DNM3: variants seen among roughly 807,000 people sequenced by gnomAD.
DNM3 encodes the protein dynamin-3.
DNM3 carries 47 observed loss-of-function variants against 101.6 expected under a neutral mutation model. The observed-to-expected ratio is 0.46, with a 90% CI of 0.37 to 0.59. The LOEUF (loss-of-function observed/expected upper bound fraction) is 0.59, where lower values mean the gene tolerates loss of function less well. Ranked by LOEUF, DNM3 falls within the 20% of genes least tolerant of loss-of-function variation. DNM3 has a pLI of 0.00. For synonymous variants in DNM3, 385 were observed against 387.9 expected (o/e 0.99, Z 0.09); for missense variants, 849 against 1,085.7 (o/e 0.78, Z 3.06).
In DNM3 at chr1:172,365,009, G is replaced by T. The variant is rs138533125; in HGVS notation, c.1894-14009G>T. Among the ~76,000 whole-genome samples the T allele has an allele frequency of 1.4e-4, 22 of 151,934 alleles. 1 individual carries two copies. The highest frequency in any genetic ancestry group is 1.4e-3 in the Admixed American group (22 of 15,224). On this transcript the variant is annotated intron_variant, in intron 17 of 20. Coordinates refer to ENST00000627582, the MANE Select transcript of DNM3 (RefSeq NM_015569.5). ...ACCTCTTTTCTTTATAAATTACTGA[G>T]TCTCAGGTATTTCTTTATAACAACA...
intron 1 of DNM3, among the ~76,000 whole-genome samples, chr1:171,852,872 C>A (rs942517070): frequency 6.6e-6 from 1 of 151,630 alleles, no homozygotes; most frequent in Non-Finnish European, 1.5e-5. Flanking sequence ...AACAAAAGGA[C>A]TTTGAAGGTT....
intron 12 of DNM3, among the ~76,000 whole-genome samples, chr1:172,088,561 T>C (rs2053691295): frequency 6.6e-6 from 1 of 152,146 alleles, no homozygotes; most frequent in Non-Finnish European, 1.5e-5. Context: ...TTAAGATCAC[T>C]TACAAACCCC....
intron 1 of DNM3, among the ~76,000 whole-genome samples, chr1:171,857,072 G>C (rs151333912): frequency 1.1e-4 from 16 of 152,294 alleles, no homozygotes; most frequent in African/African-American, 3.6e-4. Flanking sequence ...AGATAGAGCT[G>C]GCAGAGTGAA....
chr1:172,306,763 A>G lies in DNM3; in HGVS notation c.1770-1965A>G, dbSNP rs143568412. Among the ~76,000 whole-genome samples, 745 of 152,360 alleles carry G rather than the reference A, an allele frequency of 4.9e-3. 5 individuals are homozygous for G. The highest frequency in any genetic ancestry group is 0.016 in the African/African-American group (678 of 41,584). ...CATCTCTTTGACAAACCTGACCAAAACAAGCAATGAGGAAAGGATTCCCTA... is the reference window on the plus strand; with the variant it reads ...CATCTCTTTGACAAACCTGACCAAAGCAAGCAATGAGGAAAGGATTCCCTA... On this transcript the variant is annotated intron_variant, in intron 15 of 20. Transcript: ENST00000627582.
chr1:172,380,946 C>T (rs546003064), intron 18 of DNM3: 1 of 148,940 alleles, frequency 6.7e-6, no homozygotes, highest in Non-Finnish European at 1.5e-5. Flanking sequence ...CTGCCTATAG[C>T]TGTGAGGAGT....
intron 13 of DNM3, among the ~76,000 whole-genome samples, chr1:172,130,047 G>A (rs368419101): frequency 4.1e-4 from 63 of 152,138 alleles, no homozygotes; most frequent in East Asian, 1.2e-3. Context: ...GATGAGAACC[G>A]TGGTCTATTC....
chr1:171,984,236 C>T (rs2045063015), intron 2 of DNM3, among the ~76,000 whole-genome samples: 1 of 152,146 alleles, frequency 6.6e-6, no homozygotes, highest in South Asian at 2.1e-4. Context: ...ACACAGCATC[C>T]ACAGTTGTTT....
At chr1:171,991,296 A>C (rs1438554336) in intron 4 of DNM3, among the ~76,000 whole-genome samples, 1 of 152,086 alleles carries the variant, frequency 6.6e-6, no homozygotes, top group Non-Finnish European at 1.5e-5. Context: ...TCAGTCCCAC[A>C]AGATGACCCC....
At chr1:172,418,206 T>TAAAC in intron 20 of DNM3, 2 of 1,181,196 alleles carry the variant, frequency 1.7e-6, no homozygotes, top group South Asian at 2.7e-5. Flanking sequence ...TTTTATAATT[T>TAAAC]AAACATTGTT....
chr1:172,411,938 C>T lies in DNM3; in HGVS notation c.*4097C>T, dbSNP rs1337356164. ...AAAGCTCAAATGAGTCTTCTAGATACTCTTACTCATCCTGTCTGGTTGCTA... is the reference window on the plus strand; with the variant it reads ...AAAGCTCAAATGAGTCTTCTAGATATTCTTACTCATCCTGTCTGGTTGCTA... On this transcript the variant is annotated 3_prime_UTR_variant, in exon 21 of 21. Transcript: ENST00000627582. The T allele has an allele frequency of 5.1e-6, 5 of 985,754 alleles. No homozygotes were observed. Among genetic ancestry groups the T allele is most frequent in the Non-Finnish European group, 4.8e-6 (4 of 829,846 alleles). The allele number at this position is 985,754 out of a possible 1,614,324, so 61.1% of individuals were successfully genotyped here. A position where few individuals can be genotyped will look rare whatever the true frequency, so the allele number is the denominator to read the frequency against.
intron 1 of DNM3, among the ~76,000 whole-genome samples, chr1:171,867,580 A>G (rs1276929384): frequency 6.6e-6 from 1 of 152,178 alleles, no homozygotes; most frequent in Non-Finnish European, 1.5e-5. Flanking sequence ...GTTTTTGTAT[A>G]TTTATGGTAT....
At chr1:172,093,711 C>A (rs889425913) in intron 13 of DNM3, 1 of 1,606,398 alleles carries the variant, frequency 6.2e-7, no homozygotes. Flanking sequence ...CAATCTTCCG[C>A]CTTCAAGGCA....
chr1:172,027,617 C>CACACACACACAGAGAGAG (rs34981346), intron 4 of DNM3, among the ~76,000 whole-genome samples: 1 of 147,022 alleles, frequency 6.8e-6, no homozygotes, highest in African/African-American at 2.6e-5. Context: ...CACACACACA[C>CACACACACACAGAGAGAG]AGAGAGAGAG....
chr1:172,025,094 G>A lies in DNM3; in HGVS notation c.590-7308G>A, dbSNP rs1395300682. Among the ~76,000 whole-genome samples, 3 of 152,214 alleles carry A rather than the reference G, an allele frequency of 2.0e-5. No individual in the cohort carries two copies. In the East Asian group the frequency reaches 5.8e-4, roughly 29 times the overall value. ...CAGCACAGCAGTCTGAAGTTGACCT[G>A]GGACGCTTGAGCTTTGTTTGGGGAG... On this transcript the variant is annotated intron_variant, in intron 4 of 20. Coordinates refer to ENST00000627582, the MANE Select transcript of DNM3 (RefSeq NM_015569.5).
intron 17 of DNM3, among the ~76,000 whole-genome samples, chr1:172,369,605 G>T (rs974439924): frequency 5.9e-5 from 9 of 151,988 alleles, no homozygotes; most frequent in Middle Eastern, 3.4e-3. Flanking sequence ...CATAGTACTG[G>T]AAGTTCTAGC....
In DNM3 at chr1:172,297,843, G is replaced by A. The variant is rs560219576; in HGVS notation, c.1770-10885G>A. The stretch of plus-strand genomic sequence containing the variant: ...TTGTACTTTTGATGTACATATTTGT[G>A]TCTTTCTAAATCTCAGGGAAAGCTT... On this transcript the variant is annotated intron_variant, in intron 15 of 20. Transcript: ENST00000627582. 1.9e-3 allele frequency among the ~76,000 whole-genome samples: 292 copies of A among 151,922 alleles called. 1 individual carries two copies. The highest frequency in any genetic ancestry group is 3.3e-3 in the South Asian group (16 of 4,806).
intron 17 of DNM3, among the ~76,000 whole-genome samples, chr1:172,325,363 AC>A (rs985596578): frequency 6.6e-6 from 1 of 152,132 alleles, no homozygotes; most frequent in African/African-American, 2.4e-5. Flanking sequence ...AGATGCAAGT[AC>A]TTACTGTTTT....
At position 171,889,651 on chromosome 1, in the gene DNM3, T is replaced by G. The variant is rs141944046; in HGVS notation, c.162-32097T>G. Among the ~76,000 whole-genome samples, 457 of 152,272 alleles carry G rather than the reference T, an allele frequency of 3.0e-3. 4 individuals carry two copies. Among genetic ancestry groups the G allele is most frequent in the African/African-American group, 0.01 (418 of 41,536 alleles). The stretch of plus-strand genomic sequence containing the variant: ...GCTAAAACTGAGAATTGGCCAAAGT[T>G]TTTGAAAAGGTTAAGGCAAAAACAA... On this transcript the variant is annotated intron_variant, in intron 1 of 20. Transcript: ENST00000627582.
chr1:172,316,734 T>C (rs1258396746), intron 16 of DNM3, among the ~76,000 whole-genome samples: 2 of 152,066 alleles, frequency 1.3e-5, no homozygotes, highest in Non-Finnish European at 2.9e-5. Context: ...CCCAGATTCA[T>C]AAAGCAAGTC....
Sources: allele counts gnomAD v4.1 joint callset (sites outside exome capture counted in the v4.1 genomes callset), GRCh38; gene constraint gnomAD v4.1.1; transcripts MANE v1.5; gene names NCBI Gene and HGNC (gene_info 2026-07-23, HGNC 2026-07-21).